TBC1D5: variants seen among roughly 807,000 people sequenced by gnomAD.
TBC1D5 encodes TBC1 domain family member 5.
In TBC1D5, 75 loss-of-function variants were observed where a neutral mutation model predicts 100.3. The ratio of observed to expected loss-of-function variants is 0.75; its 90% CI spans 0.62 to 0.91. TBC1D5 has a LOEUF of 0.91. TBC1D5 is among the 40% of genes least tolerant of loss of function. The pLI, the probability that TBC1D5 is intolerant of heterozygous loss-of-function variation, is 0.00. For missense variants in TBC1D5, 910 were observed against 942.4 expected (o/e 0.97, Z 0.45); for synonymous variants, 323 against 325.6 (o/e 0.99, Z 0.09).
At chr3:17,369,630 A>T (rs1379750255) in intron 13 of TBC1D5, among the ~76,000 whole-genome samples, 1 of 152,132 alleles carries the variant, frequency 6.6e-6, no homozygotes, top group Non-Finnish European at 1.5e-5. Flanking sequence ...GATTACAGGC[A>T]TGTGCCACCA....
intron 13 of TBC1D5, among the ~76,000 whole-genome samples, chr3:17,357,857 C>T (rs1322149780): frequency 1.3e-5 from 2 of 152,094 alleles, no homozygotes; most frequent in Non-Finnish European, 1.5e-5. Context: ...ACTGAAAGAA[C>T]AGGTATAGAA....
At chr3:17,580,443 T>C (rs2096686539) in intron 2 of TBC1D5, among the ~76,000 whole-genome samples, 1 of 152,196 alleles carries the variant, frequency 6.6e-6, no homozygotes, top group Admixed American at 6.6e-5. Flanking sequence ...CTGGAGATAG[T>C]ACAAAGATCA....
chr3:17,523,027 G>T (rs904858176), intron 2 of TBC1D5, among the ~76,000 whole-genome samples: 1 of 152,082 alleles, frequency 6.6e-6, no homozygotes, highest in Non-Finnish European at 1.5e-5. Context: ...GAACTGTTTG[G>T]AGTAGTGATG....
intron 4 of TBC1D5, among the ~76,000 whole-genome samples, chr3:17,415,049 T>G (rs1386092649): frequency 6.6e-6 from 1 of 152,192 alleles, no homozygotes; most frequent in Non-Finnish European, 1.5e-5. Context: ...GAACTGAACT[T>G]TAAATTGAGA....
intron 1 of TBC1D5, among the ~76,000 whole-genome samples, chr3:17,728,976 A>C (rs900364509): frequency 2.0e-5 from 3 of 146,380 alleles, no homozygotes; most frequent in Non-Finnish European, 4.5e-5. Flanking sequence ...TGATAGGCAT[A>C]GAGTTAAAGA....
At chr3:17,436,927 A>G (rs567493870) in intron 3 of TBC1D5, among the ~76,000 whole-genome samples, 36 of 152,352 alleles carry the variant, frequency 2.4e-4, no homozygotes, top group South Asian at 1.2e-3. Context: ...ACCCAATTTA[A>G]GTTAACATGT....
At chr3:17,215,218 G>T (rs1209880109) in intron 17 of TBC1D5, among the ~76,000 whole-genome samples, 2 of 152,100 alleles carry the variant, frequency 1.3e-5, no homozygotes, top group African/African-American at 4.8e-5. Flanking sequence ...TCAAGTGGGG[G>T]TGAGTCAGGG....
At chr3:17,443,279 G>C (rs73161453) in intron 3 of TBC1D5, among the ~76,000 whole-genome samples, 13,852 of 152,142 alleles carry the variant, frequency 0.091, 1,426 homozygotes, top group African/African-American at 0.26. Context: ...GGTCTCACTT[G>C]CACTCCGAGC....
intron 17 of TBC1D5, among the ~76,000 whole-genome samples, chr3:17,226,899 T>C (rs1408394205): frequency 1.3e-5 from 2 of 152,176 alleles, no homozygotes; most frequent in Admixed American, 6.5e-5. Context: ...ATCTAGGGTG[T>C]ACATGTATTA....
At chr3:17,556,010 T>G (rs1177926390) in intron 2 of TBC1D5, among the ~76,000 whole-genome samples, 3 of 152,222 alleles carry the variant, frequency 2.0e-5, no homozygotes, top group Admixed American at 1.3e-4. Context: ...CCACTGAAAT[T>G]GCTGATATTT....
chr3:17,691,101 T>C (rs1176617575), intron 1 of TBC1D5, among the ~76,000 whole-genome samples: 1 of 152,218 alleles, frequency 6.6e-6, no homozygotes, highest in Non-Finnish European at 1.5e-5. Context: ...TACATTTTGA[T>C]GGCTGCACAA....
rs140973664 is a variant in TBC1D5, at chr3:17,542,637, A to G, written c.-35-34032T>C. Among the ~76,000 whole-genome samples, 427 of 152,368 alleles carry G rather than the reference A, an allele frequency of 2.8e-3. 1 individual carries two copies. Among genetic ancestry groups the G allele is most frequent in the Middle Eastern group, 0.014 (4 of 294 alleles). Reference sequence around the variant, plus strand: ...TATTAGGCTGAAGTAGTTTCCATCTATTCTTAGTTTATTGAGAGTTTTTAT... The same window carrying G: ...TATTAGGCTGAAGTAGTTTCCATCTGTTCTTAGTTTATTGAGAGTTTTTAT... On this transcript the variant is annotated intron_variant, in intron 2 of 21. Coordinates refer to ENST00000253692, the Ensembl canonical transcript of TBC1D5.
intron 1 of TBC1D5, among the ~76,000 whole-genome samples, chr3:17,712,068 T>C (rs1252098585): frequency 1.3e-5 from 2 of 152,030 alleles, no homozygotes; most frequent in Non-Finnish European, 2.9e-5. Flanking sequence ...ATCATCACCA[T>C]TCTGAATGTC....
intron 1 of TBC1D5, among the ~76,000 whole-genome samples, chr3:17,719,401 G>T (rs2075512319): frequency 1.3e-5 from 2 of 152,048 alleles, no homozygotes; most frequent in Admixed American, 1.3e-4. Context: ...AACTAGAAAA[G>T]CCCATTTTGT....
intron 13 of TBC1D5, among the ~76,000 whole-genome samples, chr3:17,340,362 C>T (rs1219600249): frequency 1.3e-5 from 2 of 152,156 alleles, no homozygotes; most frequent in African/African-American, 4.8e-5. Context: ...GGCCTTCAGA[C>T]AATCAGGAGT....
chr3:17,261,564 C>T (rs1477967342), intron 15 of TBC1D5, among the ~76,000 whole-genome samples: 5 of 152,108 alleles, frequency 3.3e-5, no homozygotes, highest in Non-Finnish European at 7.4e-5. Flanking sequence ...CCCTTGACAT[C>T]CCAGGCTCAA....
rs574574692 is a variant in TBC1D5 at position 17,531,070 on chromosome 3, T to C, written c.-35-22465A>G. Among the ~76,000 whole-genome samples, 9 of 152,346 alleles carry C rather than the reference T, an allele frequency of 5.9e-5. No individual in the cohort carries two copies. The East Asian group carries it at 1.7e-3, about 29-fold the overall frequency. ...TCCCTGTTTGCAGATGACATGATTG[T>C]ATATCTAGAAAACCCCATCATCTCA... On this transcript the variant is annotated intron_variant, in intron 2 of 21. Coordinates refer to ENST00000253692, the Ensembl canonical transcript of TBC1D5.
At chr3:17,166,863 T>C (rs1018533771) in exon 21 of TBC1D5, 2 of 1,614,096 alleles carry the variant, frequency 1.2e-6, no homozygotes, top group Middle Eastern at 1.6e-4. Context: ...TGGTGATCTG[T>C]TCGTTCTCTT....
chr3:17,513,540 TCTAATACTTAGGCA>T (rs1201334082), intron 2 of TBC1D5, among the ~76,000 whole-genome samples: 2 of 152,228 alleles, frequency 1.3e-5, no homozygotes, highest in Non-Finnish European at 2.9e-5. Flanking sequence ...CTTAACTGTT[TCTAATACTTAGGCA>T]CAGAATCAGC....
Sources: allele counts gnomAD v4.1 joint callset (sites outside exome capture counted in the v4.1 genomes callset), GRCh38; gene constraint gnomAD v4.1.1; transcripts MANE v1.5; gene names NCBI Gene and HGNC (gene_info 2026-07-23, HGNC 2026-07-21).